TRAPPC10: variants seen among roughly 807,000 people sequenced by gnomAD.
TRAPPC10 encodes trafficking protein particle complex subunit 10, also known as TRAPP 130 kDa subunit.
Under a neutral mutation model 125.5 loss-of-function variants are expected in TRAPPC10, and 23 were observed. The ratio of observed to expected loss-of-function variants is 0.18; its 90% confidence interval spans 0.13 to 0.26. The LOEUF is 0.26. Ranked by LOEUF, TRAPPC10 falls within the 10% of genes least tolerant of loss-of-function variation. The probability of loss-of-function intolerance (pLI) is 1.00; values close to 1 mark genes in which losing one functional copy is unlikely to be tolerated. For synonymous variants in TRAPPC10, 509 were observed against 518.0 expected (o/e 0.98, Z 0.24); for missense variants, 1,123 against 1,308.4 (o/e 0.86, Z 2.19).
chr21:44,029,551 C>T (rs1245841866), intron 1 of TRAPPC10, among the ~76,000 whole-genome samples: 4 of 152,164 alleles, frequency 2.6e-5, no homozygotes, highest in African/African-American at 7.2e-5. Flanking sequence ...GTTAATGCAG[C>T]GCCTCAGTGG....
In TRAPPC10 at chr21:44,052,491, A is replaced by G. The variant is rs767081147; in HGVS notation, c.482+15A>G. On this transcript the variant is annotated intron_variant, in intron 4 of 22. Coordinates refer to ENST00000291574, the MANE Select transcript of TRAPPC10 (RefSeq NM_003274.5). The stretch of plus-strand genomic sequence containing the variant: ...CAGAGTGACAGGTAAGTGTATCTTT[A>G]ATTTTACCTCATTTGGTTAATACTT... 3.2e-6 allele frequency: 5 copies of G among 1,583,306 alleles called. No homozygotes were observed. Among genetic ancestry groups the G allele is most frequent in the Non-Finnish European group, 4.3e-6 (5 of 1,167,644 alleles).
At chr21:44,045,374 T>C (rs2034712407) in intron 3 of TRAPPC10, among the ~76,000 whole-genome samples, 1 of 152,190 alleles carries the variant, frequency 6.6e-6, no homozygotes, top group African/African-American at 2.4e-5. Flanking sequence ...TGGGAAAGTC[T>C]ATTTTGCCTT....
At chr21:44,092,986 G>C (rs35524612) in intron 19 of TRAPPC10, among the ~76,000 whole-genome samples, 21,481 of 151,940 alleles carry the variant, frequency 0.14, 1,732 homozygotes, top group South Asian at 0.25. Flanking sequence ...TAATAGAGAC[G>C]TGGTTTCACC....
intron 1 of TRAPPC10, among the ~76,000 whole-genome samples, chr21:44,015,797 A>C (rs2147110961): frequency 6.6e-6 from 1 of 152,100 alleles, no homozygotes; most frequent in Non-Finnish European, 1.5e-5. Flanking sequence ...GTATTTTAAT[A>C]GAGACACAGT....
chr21:44,093,060 G>A lies in TRAPPC10; in HGVS notation c.2998-1003G>A, dbSNP rs191932397. On this transcript the variant is annotated intron_variant, in intron 19 of 22. Coordinates refer to ENST00000291574, the MANE Select transcript of TRAPPC10 (RefSeq NM_003274.5). The stretch of plus-strand genomic sequence containing the variant: ...GAACCACCCACCTTGGCCTCCTAAA[G>A]TGTTGGGATTATAGCCATGAGCCAC... 7.5e-3 allele frequency among the ~76,000 whole-genome samples: 1,144 copies of A among 152,284 alleles called. 8 individuals carry two copies. Among genetic ancestry groups the A allele is most frequent in the South Asian group, 0.022 (107 of 4,824 alleles).
chr21:44,052,541 C>A, intron 4 of TRAPPC10, 65 bp downstream of exon 4: 1 of 1,440,780 alleles, frequency 6.9e-7, no homozygotes. Flanking sequence ...TGCTGGCTTC[C>A]TGGGTAGTAA....
chr21:44,068,722 A>C (rs1176423623), intron 7 of TRAPPC10, among the ~76,000 whole-genome samples: 1 of 152,046 alleles, frequency 6.6e-6, no homozygotes, highest in African/African-American at 2.4e-5. Flanking sequence ...TGCCTCAGCC[A>C]GTCAAGTAGC....
chr21:44,012,690 C>G, intron 1 of TRAPPC10, 130 bp downstream of exon 1: 1 of 764,722 alleles, frequency 1.3e-6, no homozygotes, highest in South Asian at 1.8e-5. Flanking sequence ...GGAGGTGTGA[C>G]CAGGGCTGCG....
chr21:44,061,894 C>T (rs573581525), intron 6 of TRAPPC10, among the ~76,000 whole-genome samples: 111 of 152,328 alleles, frequency 7.3e-4, no homozygotes, highest in Admixed American at 3.3e-3. Flanking sequence ...CCTATACATT[C>T]TAACTGAGGG....
At chr21:44,065,286 G>A (rs1403516644) in intron 7 of TRAPPC10, among the ~76,000 whole-genome samples, 1 of 152,196 alleles carries the variant, frequency 6.6e-6, no homozygotes, top group Non-Finnish European at 1.5e-5. Flanking sequence ...GTTCACAGGA[G>A]CCATACGGGG....
chr21:44,016,211 T>C (rs989720419), intron 1 of TRAPPC10, among the ~76,000 whole-genome samples: 1 of 152,250 alleles, frequency 6.6e-6, no homozygotes, highest in African/African-American at 2.4e-5. Context: ...CCATTTGGTC[T>C]AAATTTAAAT....
At chr21:44,036,902 A>T (rs912886723) in intron 2 of TRAPPC10, among the ~76,000 whole-genome samples, 3 of 152,188 alleles carry the variant, frequency 2.0e-5, no homozygotes, top group African/African-American at 4.8e-5. Flanking sequence ...TAGAATAGAG[A>T]TAGATGATAA....
intron 17 of TRAPPC10, chr21:44,089,015 C>T (rs61506516): frequency 8.2e-5 from 14 of 170,528 alleles, no homozygotes; most frequent in Non-Finnish European, 1.1e-4. Context: ...TGCTGTGTGC[C>T]GTGTTACCCC....
In TRAPPC10 at chr21:44,016,663, A is replaced by T. The variant is rs537566399; in HGVS notation, c.67+4103A>T. On this transcript the variant is annotated intron_variant, in intron 1 of 22. Transcript: ENST00000291574. ...TGTAGGTTAAAATTTTTTTAATTTT[A>T]ATTTTTATTTTTTGAGACGGAGTCT... Among the ~76,000 whole-genome samples, 53 of 152,212 alleles carry T rather than the reference A, an allele frequency of 3.5e-4. No homozygotes were observed. In the South Asian group the frequency reaches 6.4e-3, roughly 19 times the overall value.
rs767544696 is a variant in TRAPPC10, at chr21:44,083,159, G to T, written c.2095G>T (p.Val699Phe). The change falls in exon 14 of 23, where the codon GTC becomes TTC. Residue 699 changes from valine (V) to phenylalanine (F), a missense_variant. Around this residue, in one of 4 missense-constraint regions of TRAPPC10, gnomAD observed 840 missense variants for 902.0 expected, o/e 0.93. Transcript: ENST00000291574. Reference protein sequence around the residue: ...LNTTGIICRNVHMLLRRQESS... With the variant: ...LNTTGIICRNFHMLLRRQESS... ...CACGACTGGGATTATCTGCAGAAACGTCCACATGCTCCTGAGAAGGCAGGA... is the reference window on the plus strand; with the variant it reads ...CACGACTGGGATTATCTGCAGAAACTTCCACATGCTCCTGAGAAGGCAGGA... 1 of 1,614,208 alleles carries T rather than the reference G, an allele frequency of 6.2e-7. No individual in the cohort carries two copies. The highest frequency in any genetic ancestry group is 2.2e-5 in the East Asian group (1 of 44,886).
At chr21:44,067,219 C>T (rs965215130) in intron 7 of TRAPPC10, among the ~76,000 whole-genome samples, 25 of 152,138 alleles carry the variant, frequency 1.6e-4, no homozygotes, top group African/African-American at 6.0e-4. Context: ...TGAACAGAGG[C>T]TGTGTGTGGC....
chr21:44,088,356 A>G (rs944208923), intron 17 of TRAPPC10: 2 of 186,876 alleles, frequency 1.1e-5, no homozygotes, highest in African/African-American at 4.7e-5. Flanking sequence ...GTACTTACTG[A>G]CAGTTACTTG....
chr21:44,089,288 G>C, intron 17 of TRAPPC10: 1 of 347,718 alleles, frequency 2.9e-6, no homozygotes, highest in Middle Eastern at 7.7e-4. Context: ...AATAAGGCTT[G>C]AGACTTGCTT....
rs770560250 is a variant in TRAPPC10 at position 44,084,261 on chromosome 21, C to T, written c.2378C>T (p.Ala793Val). Reference protein sequence around the residue: ...QEPQLHVEPLADSLLAGIPQR... With the variant: ...QEPQLHVEPLVDSLLAGIPQR... ...CCCCAGCTGCACGTGGAGCCGCTGG[C>T]TGGTGAGTGGGGTCCCCAGCCTTTG... The change falls in exon 15 of 23, where the codon GCT (alanine) becomes GTT (valine). Residue 793 changes from alanine (A) to valine (V), a missense_variant and splice_region_variant. By Grantham distance (64) the Ala-to-Val change is moderately conservative. This residue lies in a region of TRAPPC10 where 840 missense variants were observed against 902.0 expected (regional missense o/e 0.93). Transcript: ENST00000291574. The T allele has an allele frequency of 6.2e-7, 1 of 1,613,190 alleles. No homozygotes were observed. Among genetic ancestry groups the T allele is most frequent in the Non-Finnish European group, 8.5e-7 (1 of 1,179,690 alleles).
Sources: gnomAD v4.1 joint callset for allele counts (sites outside exome capture counted in the v4.1 genomes callset) on GRCh38, gnomAD v4.1.1 for gene constraint, gnomAD v4.1.1 regional missense constraint, MANE v1.5 for transcripts, NCBI Gene and HGNC (gene_info 2026-07-23, HGNC 2026-07-21) for gene names.